Variants in UNC5D observed in about 807,000 individuals in gnomAD.
The protein encoded by UNC5D is netrin receptor UNC5D.
A neutral mutation model predicts 105.4 loss-of-function variants in UNC5D; 39 were observed. The ratio of observed to expected loss-of-function variants is 0.37; its 90% confidence interval spans 0.29 to 0.48. UNC5D has a LOEUF of 0.48. UNC5D is among the 20% of genes least tolerant of loss of function. UNC5D has a pLI of 0.98. For synonymous variants in UNC5D, 452 were observed against 450.4 expected (o/e 1.00, Z -0.04); for missense variants, 991 against 1,202.4 (o/e 0.82, Z 2.60).
Position 35,457,587 on chromosome 8 carries a change from A to T in UNC5D, c.104-91705A>T, listed in dbSNP as rs1414778679. Among the ~76,000 whole-genome samples the T allele has an allele frequency of 2.0e-5, 3 of 152,136 alleles. No homozygotes were observed. In the East Asian group the frequency reaches 5.8e-4, roughly 29 times the overall value. ...TGTTTGGAATATGTTCTTGTCTTTG[A>T]TGTGGGTGCTACCTGGAGGCAGAAA... On this transcript the variant is annotated intron_variant, in intron 1 of 16. Coordinates refer to ENST00000404895, the MANE Select transcript of UNC5D (RefSeq NM_080872.4).
intron 11 of UNC5D, among the ~76,000 whole-genome samples, chr8:35,734,144 G>T (rs1455893473): frequency 1.3e-5 from 2 of 151,888 alleles, no homozygotes; most frequent in African/African-American, 4.8e-5. Flanking sequence ...GTAAGAACAG[G>T]TACTGGAGTG....
intron 4 of UNC5D, among the ~76,000 whole-genome samples, chr8:35,648,553 C>A (rs1019574371): frequency 6.6e-6 from 1 of 151,882 alleles, no homozygotes; most frequent in African/African-American, 2.4e-5. Context: ...GTTGCAGGCA[C>A]CTGCAATCCC....
At chr8:35,394,646 C>T (rs1428032511) in intron 1 of UNC5D, among the ~76,000 whole-genome samples, 4 of 150,200 alleles carry the variant, frequency 2.7e-5, no homozygotes, top group Non-Finnish European at 5.9e-5. Flanking sequence ...AAATCGACCT[C>T]AGTAAAGCTG....
rs541646629 is a variant in UNC5D at position 35,452,100 on chromosome 8, A to C, written c.104-97192A>C. Among the ~76,000 whole-genome samples the C allele has an allele frequency of 3.0e-3, 459 of 152,300 alleles. 6 individuals are homozygous for C. Among genetic ancestry groups the C allele is most frequent in the African/African-American group, 0.01 (436 of 41,572 alleles). On this transcript the variant is annotated intron_variant, in intron 1 of 16. Transcript: ENST00000404895. ...ATATCCACTTCAGAATGCAGTGCTC[A>C]GTTCCTGGCACACAGTAACCAATTA...
At chr8:35,268,593 TCA>T (rs991744536) in intron 1 of UNC5D, among the ~76,000 whole-genome samples, 5 of 152,282 alleles carry the variant, frequency 3.3e-5, no homozygotes, top group African/African-American at 1.2e-4. Context: ...TTTAATAATG[TCA>T]CACATTTAAA....
At chr8:35,316,766 TAA>T (rs1216658435) in intron 1 of UNC5D, among the ~76,000 whole-genome samples, 2 of 152,178 alleles carry the variant, frequency 1.3e-5, no homozygotes, top group African/African-American at 4.8e-5. Flanking sequence ...GATGAGTAAT[TAA>T]AGTCACAGAT....
intron 1 of UNC5D, among the ~76,000 whole-genome samples, chr8:35,401,039 A>G (rs1236816851): frequency 6.6e-6 from 1 of 152,188 alleles, no homozygotes; most frequent in Non-Finnish European, 1.5e-5. Context: ...CCAGAAATAA[A>G]CATCAACATT....
At chr8:35,239,154 T>C (rs747581513) in intron 1 of UNC5D, among the ~76,000 whole-genome samples, 18 of 152,306 alleles carry the variant, frequency 1.2e-4, no homozygotes, top group Non-Finnish European at 1.3e-4. Flanking sequence ...CCTATAATGA[T>C]AGCACTTGTC....
intron 4 of UNC5D, among the ~76,000 whole-genome samples, chr8:35,607,811 T>A (rs1820407407): frequency 6.6e-6 from 1 of 151,950 alleles, no homozygotes; most frequent in African/African-American, 2.4e-5. Context: ...GAACTATGAG[T>A]CAAATAAACT....
At chr8:35,674,794 T>A (rs1199672480) in intron 4 of UNC5D, among the ~76,000 whole-genome samples, 4 of 152,196 alleles carry the variant, frequency 2.6e-5, no homozygotes, top group Non-Finnish European at 5.9e-5. Flanking sequence ...GTTCAGCTGC[T>A]CAGCAGCTGG....
At chr8:35,679,697 A>AT (rs1283779146) in intron 4 of UNC5D, among the ~76,000 whole-genome samples, 2 of 152,224 alleles carry the variant, frequency 1.3e-5, no homozygotes, top group African/African-American at 4.8e-5. Flanking sequence ...AGAGGTCAGA[A>AT]TAGAAGCCAC....
intron 13 of UNC5D, among the ~76,000 whole-genome samples, chr8:35,751,148 G>A (rs1830264208): frequency 6.6e-6 from 1 of 152,192 alleles, no homozygotes; most frequent in South Asian, 2.1e-4. Flanking sequence ...GGTTGCTTCA[G>A]AGATGAAGTC....
chr8:35,592,775 G>C (rs1388229808), intron 3 of UNC5D, among the ~76,000 whole-genome samples: 1 of 152,038 alleles, frequency 6.6e-6, no homozygotes, highest in Admixed American at 6.6e-5. Context: ...TGTTACCACT[G>C]TTGGATCCAG....
At chr8:35,717,397 A>T (rs1828314151) in intron 8 of UNC5D, among the ~76,000 whole-genome samples, 3 of 152,160 alleles carry the variant, frequency 2.0e-5, no homozygotes, top group Non-Finnish European at 2.9e-5. Context: ...AAACCAACTA[A>T]AAAGCCCTTC....
At chr8:35,428,991 G>T (rs749747628) in intron 1 of UNC5D, among the ~76,000 whole-genome samples, 31 of 152,188 alleles carry the variant, frequency 2.0e-4, no homozygotes, top group Admixed American at 2.0e-4. Context: ...TGACTAAGCT[G>T]GAGTAAATCC....
intron 1 of UNC5D, among the ~76,000 whole-genome samples, chr8:35,266,273 AGG>A (rs1804864701): frequency 6.6e-6 from 1 of 152,230 alleles, no homozygotes; most frequent in African/African-American, 2.4e-5. Context: ...TGCTTTGTAA[AGG>A]TGCCTGAAAT....
At chr8:35,663,622 C>T (rs1016810271) in intron 4 of UNC5D, among the ~76,000 whole-genome samples, 5 of 151,720 alleles carry the variant, frequency 3.3e-5, no homozygotes, top group African/African-American at 1.2e-4. Flanking sequence ...GCATATGCAG[C>T]AATGATGTAT....
At chr8:35,771,300 C>T (rs545071615) in intron 15 of UNC5D, among the ~76,000 whole-genome samples, 108 of 152,292 alleles carry the variant, frequency 7.1e-4, no homozygotes, top group African/African-American at 2.5e-3. Flanking sequence ...TGAGGGCTTT[C>T]AGAGGCCAAT....
intron 8 of UNC5D, among the ~76,000 whole-genome samples, chr8:35,714,806 G>A (rs1209670867): frequency 6.6e-6 from 1 of 152,210 alleles, no homozygotes; most frequent in East Asian, 1.9e-4. Context: ...GCAGTAGGGA[G>A]GTAGTTAAAT....
Sources: gnomAD v4.1 joint callset for allele counts (sites outside exome capture counted in the v4.1 genomes callset) on GRCh38, gnomAD v4.1.1 for gene constraint, MANE v1.5 for transcripts, NCBI Gene and HGNC (gene_info 2026-07-23, HGNC 2026-07-21) for gene names.